Variants in RNF152 observed in about 807,000 individuals in gnomAD.
The protein encoded by RNF152 is ring finger protein 152, also known as E3 ubiquitin-protein ligase RNF152.
In RNF152, 11 loss-of-function variants were observed where a neutral mutation model predicts 12.7. The ratio of observed to expected loss-of-function variants is 0.86; its 90% CI spans 0.54 to 1.43. RNF152 has a LOEUF of 1.43. Among genes scored for constraint, RNF152 ranks in the 40% most tolerant of loss-of-function variants. The pLI, the probability that RNF152 is intolerant of heterozygous loss-of-function variation, is 0.00. For missense variants in RNF152, 255 were observed against 274.8 expected, an observed-to-expected ratio of 0.93 and a Z score of 0.51; for synonymous variants, 113 against 120.3, an observed-to-expected ratio of 0.94 and a Z score of 0.40.
In RNF152 at chr18:61,809,880, C is replaced by T. The variant is rs1259801573; in HGVS notation, c.*5972G>A. On this transcript the variant is annotated 3_prime_UTR_variant, in exon 2 of 2. Coordinates refer to ENST00000312828, the MANE Select transcript of RNF152 (RefSeq NM_173557.3). ...TGAAAAAAAAAAAAAAAAAAAAAGT[C>T]ATTGGCTCGACTGAGCAAGAAAATT... 1.6e-5 allele frequency: 2 copies of T among 126,360 alleles called. No individual in the cohort carries two copies. The highest frequency in any genetic ancestry group is 5.9e-5 in the African/African-American group (2 of 33,858). 7.8% of individuals were successfully genotyped at this position (126,360 alleles called of 1,614,324 possible).
intron 1 of RNF152, among the ~76,000 whole-genome samples, chr18:61,865,523 A>C (rs922563545): frequency 2.0e-5 from 3 of 152,258 alleles, no homozygotes; most frequent in Middle Eastern, 3.4e-3. Flanking sequence ...AGCACAAAAA[A>C]CGCAATACTA....
chr18:61,844,116 A>AAGAC (rs774776071), intron 1 of RNF152, among the ~76,000 whole-genome samples: 1 of 137,334 alleles, frequency 7.3e-6, no homozygotes, highest in Admixed American at 7.2e-5. Context: ...GAAAGAAAGA[A>AAGAC]AGAAAGAAAG....
At chr18:61,843,220 C>A (rs191142288) in intron 1 of RNF152, among the ~76,000 whole-genome samples, 150 of 152,196 alleles carry the variant, frequency 9.9e-4, no homozygotes, top group African/African-American at 3.3e-3. Context: ...TCGTGCACAC[C>A]CTACAGAAAA....
chr18:61,876,098 G>C (rs1912202589), intron 1 of RNF152, among the ~76,000 whole-genome samples: 1 of 152,130 alleles, frequency 6.6e-6, no homozygotes, highest in Non-Finnish European at 1.5e-5. Flanking sequence ...CTCACTGTCT[G>C]GAAGACAGGA....
At chr18:61,870,167 T>C (rs1298468646) in intron 1 of RNF152, among the ~76,000 whole-genome samples, 1 of 152,178 alleles carries the variant, frequency 6.6e-6, no homozygotes, top group Non-Finnish European at 1.5e-5. Context: ...AATACCCTGC[T>C]TTTAGGATTA....
chr18:61,871,515 G>C (rs534369537), intron 1 of RNF152, among the ~76,000 whole-genome samples: 1 of 152,136 alleles, frequency 6.6e-6, no homozygotes. Flanking sequence ...TAGGATCACA[G>C]GGCTGATAAT....
intron 1 of RNF152, among the ~76,000 whole-genome samples, chr18:61,828,218 A>AGAATTT (rs936651513): frequency 1.6e-4 from 24 of 151,078 alleles, no homozygotes; most frequent in African/African-American, 5.8e-4. Flanking sequence ...TGCTTTTCAG[A>AGAATTT]GAATTTGAGT....
At chr18:61,879,528 G>A (rs1912364408) in intron 1 of RNF152, among the ~76,000 whole-genome samples, 2 of 152,150 alleles carry the variant, frequency 1.3e-5, no homozygotes, top group South Asian at 4.2e-4. Flanking sequence ...TTGCGGGAGG[G>A]CAGAGAGGAA....
intron 1 of RNF152, among the ~76,000 whole-genome samples, chr18:61,854,823 C>T (rs1214809751): frequency 6.6e-6 from 1 of 152,138 alleles, no homozygotes; most frequent in South Asian, 2.1e-4. Context: ...GCTTATATTT[C>T]GCCTATGTCT....
Position 61,840,549 on chromosome 18 carries a change from G to A in RNF152, c.-135-23951C>T, listed in dbSNP as rs566509519. On this transcript the variant is annotated intron_variant, in intron 1 of 1. Transcript: ENST00000312828. ...GATTGCATCATCCTTGCCATACTCT[G>A]TGCATATGCTTCTAGCTTGTGGCTT... Among the ~76,000 whole-genome samples, 3 of 152,198 alleles carry A rather than the reference G, an allele frequency of 2.0e-5. No homozygotes were observed. The South Asian group carries it at 6.2e-4, about 32-fold the overall frequency.
intron 1 of RNF152, among the ~76,000 whole-genome samples, chr18:61,887,880 T>C (rs1349876940): frequency 6.6e-6 from 1 of 152,090 alleles, no homozygotes; most frequent in Non-Finnish European, 1.5e-5. Context: ...GGGAATGCGA[T>C]AGTGGCAGGG....
At chr18:61,882,568 A>T (rs1328099057) in intron 1 of RNF152, among the ~76,000 whole-genome samples, 2 of 152,232 alleles carry the variant, frequency 1.3e-5, no homozygotes, top group East Asian at 3.8e-4. Flanking sequence ...GGTTCCAAGG[A>T]GAAAGAGAGC....
chr18:61,887,782 T>G (rs1912766611), intron 1 of RNF152, among the ~76,000 whole-genome samples: 1 of 151,892 alleles, frequency 6.6e-6, no homozygotes, highest in African/African-American at 2.4e-5. Flanking sequence ...TCAATTCTTG[T>G]CAAACCTCAG....
At chr18:61,853,106 G>A (rs1003862026) in intron 1 of RNF152, among the ~76,000 whole-genome samples, 1 of 152,132 alleles carries the variant, frequency 6.6e-6, no homozygotes, top group African/African-American at 2.4e-5. Context: ...AACTGGGATA[G>A]GCAAGTTTAT....
At chr18:61,883,034 T>A (rs974920596) in intron 1 of RNF152, among the ~76,000 whole-genome samples, 1 of 152,222 alleles carries the variant, frequency 6.6e-6, no homozygotes, top group Non-Finnish European at 1.5e-5. Flanking sequence ...CACACTCAGA[T>A]ACCAGCACAG....
At chr18:61,827,361 G>T (rs567334675) in intron 1 of RNF152, among the ~76,000 whole-genome samples, 1 of 152,264 alleles carries the variant, frequency 6.6e-6, no homozygotes, top group African/African-American at 2.4e-5. Context: ...GATTTCAGAC[G>T]AGTAGAACTT....
intron 1 of RNF152, among the ~76,000 whole-genome samples, chr18:61,876,341 A>C (rs1489800710): frequency 1.3e-5 from 2 of 152,252 alleles, no homozygotes; most frequent in East Asian, 3.8e-4. Context: ...GTATAAAAAT[A>C]ACCAAATCAA....
chr18:61,890,828 C>T (rs559547502), intron 1 of RNF152, among the ~76,000 whole-genome samples: 15 of 152,220 alleles, frequency 9.9e-5, no homozygotes, highest in South Asian at 6.2e-4. Flanking sequence ...ATGTAAGGAC[C>T]GAACTGTATG....
chr18:61,838,101 C>T (rs1475661109), intron 1 of RNF152, among the ~76,000 whole-genome samples: 2 of 152,196 alleles, frequency 1.3e-5, no homozygotes, highest in African/African-American at 4.8e-5. Context: ...ACCCTCAGCC[C>T]TTTATCAGTC....
Sources: allele counts gnomAD v4.1 joint callset (sites outside exome capture counted in the v4.1 genomes callset), GRCh38; gene constraint gnomAD v4.1.1; transcripts MANE v1.5; gene names NCBI Gene and HGNC (gene_info 2026-07-23, HGNC 2026-07-21).